The following PILRB variants were observed in gnomAD, a reference collection of about 807,000 sequenced individuals.
The protein encoded by PILRB is paired immunoglobulin-like type 2 receptor beta.
Under a neutral mutation model 20.5 loss-of-function variants are expected in PILRB, and 21 were observed. That is an observed-to-expected ratio of 1.02 (90% CI 0.72 to 1.47). PILRB has a LOEUF of 1.47. Among genes scored for constraint, PILRB ranks in the 40% most tolerant of loss-of-function variants. PILRB has a pLI of 0.00. For missense variants in PILRB, 253 were observed against 272.1 expected, an observed-to-expected ratio of 0.93 and a Z score of 0.49; for synonymous variants, 133 against 115.1, an observed-to-expected ratio of 1.16 and a Z score of -0.99.
At chr7:100,361,598 C>T (rs1230996705) in intron 3 of PILRB, among the ~76,000 whole-genome samples, 1 of 152,186 alleles carries the variant, frequency 6.6e-6, no homozygotes, top group African/African-American at 2.4e-5. Flanking sequence ...GAAGCTGAGG[C>T]AGGAGAATTG....
At chr7:100,365,617 G>A (rs1361664409) in intron 3 of PILRB, among the ~76,000 whole-genome samples, 3 of 152,058 alleles carry the variant, frequency 2.0e-5, no homozygotes, top group South Asian at 4.2e-4. Context: ...CCTGGAGTTC[G>A]AGCCCAGCCT....
intron 3 of PILRB, among the ~76,000 whole-genome samples, chr7:100,362,357 G>T (rs1790552342): frequency 6.6e-6 from 1 of 152,126 alleles, no homozygotes. Context: ...TAAAAGGACT[G>T]TACGCCATGA....
chr7:100,362,405 A>G (rs1434281500), intron 3 of PILRB, among the ~76,000 whole-genome samples: 2 of 152,198 alleles, frequency 1.3e-5, no homozygotes, highest in Non-Finnish European at 2.9e-5. Context: ...TGTATCACCC[A>G]AAACAGGAAA....
chr7:100,358,506 C>T (rs1005755342), intron 1 of PILRB, 140 bp downstream of exon 1: 21 of 1,260,982 alleles, frequency 1.7e-5, no homozygotes, highest in African/African-American at 3.0e-5. Context: ...GGGTGGGTGC[C>T]GCCATCTCTT....
rs140227282 is a variant in PILRB, at chr7:100,358,145, T to C, written c.-158T>C. 1,979 of 744,820 alleles carry C rather than the reference T, an allele frequency of 2.7e-3. 25 individuals are homozygous for C. Among genetic ancestry groups the C allele is most frequent in the Admixed American group, 0.022 (1,019 of 46,352 alleles). The allele number at this position is 744,820 out of a possible 1,614,324, so 46.1% of individuals were successfully genotyped here. On this transcript the variant is annotated 5_prime_UTR_variant, in exon 1 of 4. Transcript: ENST00000609309. Reference sequence around the variant, plus strand: ...GGAAGTGCTGGTCACCCTGGAGGTGTACTGGTTTGGGGAAGGTCCCCGGCC... The same window carrying C: ...GGAAGTGCTGGTCACCCTGGAGGTGCACTGGTTTGGGGAAGGTCCCCGGCC...
At chr7:100,362,251 A>C (rs1790548621) in intron 3 of PILRB, among the ~76,000 whole-genome samples, 1 of 152,194 alleles carries the variant, frequency 6.6e-6, no homozygotes, top group Non-Finnish European at 1.5e-5. Context: ...AAGACCCTGC[A>C]AGAAAAACAA....
intron 3 of PILRB, among the ~76,000 whole-genome samples, chr7:100,360,581 C>G (rs1399928348): frequency 1.3e-5 from 2 of 152,072 alleles, no homozygotes; most frequent in African/African-American, 2.4e-5. Context: ...CCTTAGAAAT[C>G]ACATCCAAGA....
chr7:100,361,212 G>C (rs1176945666), intron 3 of PILRB, among the ~76,000 whole-genome samples: 2 of 152,160 alleles, frequency 1.3e-5, no homozygotes, highest in African/African-American at 4.8e-5. Flanking sequence ...TGGGATTACA[G>C]GCTTGAGCCA....
rs575746356 is a variant in PILRB, at chr7:100,366,635, C to T, written c.656-714C>T. Among the ~76,000 whole-genome samples the T allele has an allele frequency of 5.9e-5, 9 of 152,058 alleles. No individual in the cohort carries two copies. In the South Asian group the frequency reaches 1.9e-3, roughly 32 times the overall value. The stretch of plus-strand genomic sequence containing the variant: ...AACTTGAACAGCCACAAACATGAGT[C>T]CCAAGCATGAGGCTCCCAAGGCTGG... On this transcript the variant is annotated intron_variant, in intron 3 of 3. Transcript: ENST00000609309.
intron 3 of PILRB, among the ~76,000 whole-genome samples, chr7:100,365,426 C>T (rs1453759655): frequency 6.6e-6 from 1 of 151,924 alleles, no homozygotes; most frequent in African/African-American, 2.4e-5. Flanking sequence ...TACATGGTAT[C>T]TAGAGTAGCC....
intron 3 of PILRB, among the ~76,000 whole-genome samples, chr7:100,366,046 C>G (rs1471626141): frequency 6.6e-6 from 1 of 151,426 alleles, no homozygotes; most frequent in African/African-American, 2.4e-5. Flanking sequence ...CTCCACCTCC[C>G]AGGGTCAAGC....
Position 100,367,332 on chromosome 7 carries a change from C to T in PILRB, c.656-17C>T. The T allele has an allele frequency of 1.3e-6, 1 of 780,930 alleles. No individual in the cohort carries two copies. Among genetic ancestry groups the T allele is most frequent in the Non-Finnish European group, 2.4e-6 (1 of 418,012 alleles). The allele number at this position is 780,930 out of a possible 1,614,324, so 48.4% of individuals were successfully genotyped here. ...ATAATCCTGGCCCTGCATCTAAAAA[C>T]ACTTCCCCTCCTGCAGGTAGCAGGG... On this transcript the variant is annotated splice_polypyrimidine_tract_variant and intron_variant, in intron 3 of 3. Transcript: ENST00000609309.
At position 100,358,781 on chromosome 7, in the gene PILRB, C is replaced by T; in HGVS notation, c.156C>T (p.Pro52=). Residue 52 remains proline (P), a synonymous_variant, in exon 2 of 4, where the codon CCC becomes CCT. Transcript: ENST00000609309. ...CCATGGGTGGCTCTGTGGAAATCCCCTTCTCCTTCTATTACCCCTGGGAGT... is the reference window on the plus strand; with the variant it reads ...CCATGGGTGGCTCTGTGGAAATCCCTTTCTCCTTCTATTACCCCTGGGAGT... ...SASMGGSVEI[P]FSFYYPWELA... The T allele has an allele frequency of 6.2e-7, 1 of 1,613,832 alleles. No individual in the cohort carries two copies. Among genetic ancestry groups the T allele is most frequent in the East Asian group, 2.2e-5 (1 of 44,890 alleles).
chr7:100,365,299 C>T (rs546820507), intron 3 of PILRB, among the ~76,000 whole-genome samples: 1 of 152,320 alleles, frequency 6.6e-6, no homozygotes, highest in East Asian at 1.9e-4. Context: ...TATGCTTGGC[C>T]TCAACCTTTA....
At chr7:100,362,118 T>A (rs993632275) in intron 3 of PILRB, among the ~76,000 whole-genome samples, 1 of 151,896 alleles carries the variant, frequency 6.6e-6, no homozygotes, top group Non-Finnish European at 1.5e-5. Context: ...AATAGTAGAT[T>A]ACAAAGGATC....
In PILRB at chr7:100,358,168, G is replaced by C; in HGVS notation, c.-135G>C. On this transcript the variant is annotated 5_prime_UTR_variant, in exon 1 of 4. Transcript: ENST00000609309. Reference sequence around the variant, plus strand: ...TGTACTGGTTTGGGGAAGGTCCCCGGCCCCCACAGCCCTCTGGGGAGCCTC... The same window carrying C: ...TGTACTGGTTTGGGGAAGGTCCCCGCCCCCCACAGCCCTCTGGGGAGCCTC... 1 of 962,186 alleles carries C rather than the reference G, an allele frequency of 1.0e-6. No individual in the cohort carries two copies. Among genetic ancestry groups the C allele is most frequent in the Non-Finnish European group, 1.6e-6 (1 of 617,226 alleles). 59.6% of individuals were successfully genotyped at this position (962,186 alleles called of 1,614,324 possible).
intron 3 of PILRB, among the ~76,000 whole-genome samples, chr7:100,365,947 TG>T (rs200581682): frequency 6.9e-6 from 1 of 144,114 alleles, no homozygotes; most frequent in African/African-American, 2.7e-5. Flanking sequence ...AAATTCTAGG[TG>T]GTTTTTTTTT....
intron 3 of PILRB, among the ~76,000 whole-genome samples, chr7:100,364,841 T>C (rs934348734): frequency 2.0e-5 from 3 of 152,080 alleles, no homozygotes; most frequent in Admixed American, 6.6e-5. Flanking sequence ...TAGTCCAAGC[T>C]ACTCGGGAAG....
intron 3 of PILRB, among the ~76,000 whole-genome samples, chr7:100,361,232 G>T (rs550147435): frequency 6.6e-6 from 1 of 152,118 alleles, no homozygotes; most frequent in African/African-American, 2.4e-5. Context: ...ACCGCACCCG[G>T]CCAGTTTGGA....
Sources: allele counts gnomAD v4.1 joint callset (sites outside exome capture counted in the v4.1 genomes callset), GRCh38; gene constraint gnomAD v4.1.1; transcripts MANE v1.5; gene names NCBI Gene and HGNC (gene_info 2026-07-23, HGNC 2026-07-21).